CDH9: variants seen among roughly 807,000 people sequenced by gnomAD.
The protein encoded by CDH9 is cadherin 9.
Under a neutral mutation model 70.9 loss-of-function variants are expected in CDH9, and 28 were observed. The observed-to-expected ratio is 0.40, with a 90% CI of 0.29 to 0.54. The LOEUF is 0.54. CDH9 is among the 20% of genes least tolerant of loss of function. The pLI is 0.59. For synonymous variants in CDH9, 409 were observed against 343.1 expected (o/e 1.19, Z -2.12); for missense variants, 874 against 984.4 (o/e 0.89, Z 1.50).
chr5:27,036,369 C>A (rs940821693), intron 1 of CDH9, among the ~76,000 whole-genome samples: 1 of 151,828 alleles, frequency 6.6e-6, no homozygotes, highest in Non-Finnish European at 1.5e-5. Flanking sequence ...TCAAGTTGAG[C>A]AACACAACAT....
intron 1 of CDH9, among the ~76,000 whole-genome samples, chr5:27,013,237 T>G (rs903657433): frequency 2.6e-5 from 4 of 151,886 alleles, no homozygotes; most frequent in African/African-American, 9.7e-5. Flanking sequence ...TTAAGGCACT[T>G]TTTTAGTTTA....
Position 27,018,925 on chromosome 5 carries a change from G to GGCTTT in CDH9, c.-50+19533_-50+19537dup, listed in dbSNP as rs1281715346. On this transcript the variant is annotated intron_variant, in intron 1 of 11. Transcript: ENST00000231021. Reference sequence around the variant, plus strand: ...TTGGGTTTTAGTTTTTCTTTCCTCAGGCTTTGTGTTCCCTACATCATCTTT... The same window carrying GGCTTT: ...TTGGGTTTTAGTTTTTCTTTCCTCAGGCTTTGCTTTGTGTTCCCTACATCATCTTT... Among the ~76,000 whole-genome samples, 6 of 151,960 alleles carry GGCTTT rather than the reference G, an allele frequency of 3.9e-5. No homozygotes were observed. In the East Asian group the frequency reaches 1.2e-3, roughly 29 times the overall value.
chr5:26,904,963 A>G (rs995882244), intron 5 of CDH9, among the ~76,000 whole-genome samples: 9 of 152,236 alleles, frequency 5.9e-5, no homozygotes, highest in African/African-American at 2.2e-4. Flanking sequence ...CTCTTTATAA[A>G]GGAATATGAA....
At position 26,880,749 on chromosome 5, in the gene CDH9, A is replaced by G. The variant is rs957118411; in HGVS notation, c.*387T>C. On this transcript the variant is annotated 3_prime_UTR_variant, in exon 12 of 12. Coordinates refer to ENST00000231021, the MANE Select transcript of CDH9 (RefSeq NM_016279.4). ...ATTTCATTAGGGATATATCTTCTTC[A>G]TATTAATTTACAAAGCGGTTGCACA... 1 of 156,262 alleles carries G rather than the reference A, an allele frequency of 6.4e-6. No homozygotes were observed. The highest frequency in any genetic ancestry group is 6.5e-5 in the Admixed American group (1 of 15,378). The allele number at this position is 156,262 out of a possible 1,614,324, so 9.7% of individuals were successfully genotyped here.
At position 26,885,914 on chromosome 5, in the gene CDH9, A is replaced by C; in HGVS notation, c.1631-49T>G. 1.9e-6 allele frequency: 3 copies of C among 1,600,874 alleles called. No homozygotes were observed. The South Asian group carries it at 3.3e-5, about 18-fold the overall frequency. ...AACAAAAACTTTCATATTTGTTTTT[A>C]ACTGTGTATCTTAAAGTTTCATAAT... On this transcript the variant is annotated intron_variant, in intron 10 of 11. Coordinates refer to ENST00000231021, the MANE Select transcript of CDH9 (RefSeq NM_016279.4).
intron 3 of CDH9, among the ~76,000 whole-genome samples, chr5:26,911,204 C>T (rs550457058): frequency 1.3e-5 from 2 of 152,214 alleles, no homozygotes; most frequent in South Asian, 4.1e-4. Flanking sequence ...ACTTAATCCT[C>T]ATGATACATG....
At chr5:26,917,969 T>C (rs1380004482) in intron 2 of CDH9, among the ~76,000 whole-genome samples, 2 of 152,204 alleles carry the variant, frequency 1.3e-5, no homozygotes, top group Non-Finnish European at 2.9e-5. Context: ...TTGTTTGTTT[T>C]TAAATCTAAG....
At chr5:26,958,562 A>G (rs116333467) in intron 2 of CDH9, among the ~76,000 whole-genome samples, 2,683 of 152,274 alleles carry the variant, frequency 0.018, 94 homozygotes, top group African/African-American at 0.061. Context: ...AGACAAAAAA[A>G]TTATCATGAT....
chr5:27,009,865 G>T (rs10044659), intron 1 of CDH9, among the ~76,000 whole-genome samples: 79,165 of 151,910 alleles, frequency 0.52, 22,126 homozygotes, highest in African/African-American at 0.69. Context: ...AATTTCTATA[G>T]TTGTTTTCTT....
chr5:26,963,479 C>G (rs2127426), intron 2 of CDH9, among the ~76,000 whole-genome samples: 107,280 of 151,994 alleles, frequency 0.71, 41,310 homozygotes, highest in East Asian at 0.99. Context: ...GTGGATATTT[C>G]AGCCCATCGA....
intron 2 of CDH9, among the ~76,000 whole-genome samples, chr5:26,921,522 G>A (rs1466807428): frequency 6.6e-6 from 1 of 152,018 alleles, no homozygotes; most frequent in African/African-American, 2.4e-5. Context: ...AAGCACAAGT[G>A]GAAAAACTGG....
intron 1 of CDH9, among the ~76,000 whole-genome samples, chr5:27,002,466 C>T (rs1473612907): frequency 1.3e-5 from 2 of 152,122 alleles, no homozygotes; most frequent in Admixed American, 1.3e-4. Flanking sequence ...AAGACACATG[C>T]ACACGTATGT....
intron 2 of CDH9, among the ~76,000 whole-genome samples, chr5:26,962,814 C>T (rs185602626): frequency 3.9e-5 from 6 of 151,936 alleles, no homozygotes; most frequent in South Asian, 2.1e-4. Flanking sequence ...GCTGCCTTCC[C>T]GTCAGATAAA....
chr5:27,025,713 A>T (rs1212397434), intron 1 of CDH9, among the ~76,000 whole-genome samples: 1 of 151,994 alleles, frequency 6.6e-6, no homozygotes, highest in Non-Finnish European at 1.5e-5. Context: ...ATAGGGAAGG[A>T]CTTGACCTTT....
intron 2 of CDH9, among the ~76,000 whole-genome samples, chr5:26,933,070 TA>T (rs1741491856): frequency 6.8e-6 from 1 of 147,438 alleles, no homozygotes; most frequent in Admixed American, 6.8e-5. Context: ...TAATTCTATT[TA>T]TATTATACAA....
At chr5:26,998,450 C>T (rs917168776) in intron 1 of CDH9, among the ~76,000 whole-genome samples, 1 of 151,952 alleles carries the variant, frequency 6.6e-6, no homozygotes, top group Non-Finnish European at 1.5e-5. Context: ...AAGCTGGAAG[C>T]CATCATTCTC....
At chr5:26,994,284 T>C (rs1579500897) in intron 1 of CDH9, among the ~76,000 whole-genome samples, 1 of 152,128 alleles carries the variant, frequency 6.6e-6, no homozygotes, top group East Asian at 1.9e-4. Flanking sequence ...ATGAAATGAA[T>C]GTGTTTTATA....
rs191705219 is a variant in CDH9 at position 26,976,192 on chromosome 5, G to T, written c.228+11914C>A. Reference sequence around the variant, plus strand: ...CAAAAGTTCTGTAGATCTCAAGCAGGGGCAAGTTCTAGACGTAATGACAAA... The same window carrying T: ...CAAAAGTTCTGTAGATCTCAAGCAGTGGCAAGTTCTAGACGTAATGACAAA... On this transcript the variant is annotated intron_variant, in intron 2 of 11. Coordinates refer to ENST00000231021, the MANE Select transcript of CDH9 (RefSeq NM_016279.4). Among the ~76,000 whole-genome samples the T allele has an allele frequency of 1.5e-4, 23 of 152,086 alleles. No individual in the cohort carries two copies. The East Asian group carries it at 4.5e-3, about 29-fold the overall frequency.
At chr5:26,952,737 C>T (rs1741873839) in intron 2 of CDH9, among the ~76,000 whole-genome samples, 1 of 149,574 alleles carries the variant, frequency 6.7e-6, no homozygotes, top group Non-Finnish European at 1.5e-5. Context: ...ATAGATGAAT[C>T]CACTCATGGA....
Sources: gnomAD v4.1 joint callset for allele counts (sites outside exome capture counted in the v4.1 genomes callset) on GRCh38, gnomAD v4.1.1 for gene constraint, MANE v1.5 for transcripts, NCBI Gene and HGNC (gene_info 2026-07-23, HGNC 2026-07-21) for gene names.